The following CHRM3 variants were observed in gnomAD, a reference collection of about 807,000 sequenced individuals.
CHRM3 encodes the protein muscarinic acetylcholine receptor M3.
In CHRM3, 11 loss-of-function variants were observed where a neutral mutation model predicts 41.8. The observed-to-expected ratio is 0.26, with a 90% CI of 0.17 to 0.44. CHRM3 has a LOEUF of 0.44. Among genes scored for constraint, CHRM3 ranks in the 20% least tolerant of loss-of-function variants. CHRM3 has a pLI of 1.00. For synonymous variants in CHRM3, 297 were observed against 301.4 expected, an observed-to-expected ratio of 0.99 and a Z score of 0.15; for missense variants, 571 against 745.4, an observed-to-expected ratio of 0.77 and a Z score of 2.72.
intron 6 of CHRM3, among the ~76,000 whole-genome samples, chr1:239,894,851 C>T (rs1678863121): frequency 6.6e-6 from 1 of 152,132 alleles, no homozygotes; most frequent in African/African-American, 2.4e-5. Context: ...TGGTGTTGCA[C>T]AGAGGATCCC....
intron 4 of CHRM3, among the ~76,000 whole-genome samples, chr1:239,644,891 G>C (rs1037418244): frequency 6.6e-6 from 1 of 152,164 alleles, no homozygotes; most frequent in Non-Finnish European, 1.5e-5. Flanking sequence ...TTGGCCTGAC[G>C]TGAAGACAGA....
At position 239,758,747 on chromosome 1, in the gene CHRM3, C is replaced by CAGAA. The variant is rs1666447094; in HGVS notation, c.-146-68505_-146-68504insAGAA. ...TTTATAGTTCTAAGATATTTTTCCC[C>CAGAA]CTTAGAAAAACTCTTTGTTGACAGA... On this transcript the variant is annotated intron_variant, in intron 5 of 6. Transcript: ENST00000676153. Among the ~76,000 whole-genome samples the CAGAA allele has an allele frequency of 6.6e-5, 10 of 152,214 alleles. No individual in the cohort carries two copies. The South Asian group carries it at 2.1e-3, about 32-fold the overall frequency.
At chr1:239,409,578 G>A (rs1660904365) in intron 1 of CHRM3, among the ~76,000 whole-genome samples, 1 of 152,138 alleles carries the variant, frequency 6.6e-6, no homozygotes, top group Non-Finnish European at 1.5e-5. Flanking sequence ...CTTTTAAGCA[G>A]ATATTTAAAA....
At chr1:239,497,515 C>T (rs867533451) in intron 2 of CHRM3, among the ~76,000 whole-genome samples, 1 of 152,172 alleles carries the variant, frequency 6.6e-6, no homozygotes, top group Non-Finnish European at 1.5e-5. Context: ...AGAAGTAGAT[C>T]ATACTATCTG....
chr1:239,850,973 A>G (rs896541991), intron 6 of CHRM3, among the ~76,000 whole-genome samples: 1 of 152,168 alleles, frequency 6.6e-6, no homozygotes, highest in Non-Finnish European at 1.5e-5. Context: ...GATATCAGAC[A>G]TCCCTGACAC....
intron 6 of CHRM3, among the ~76,000 whole-genome samples, chr1:239,856,167 T>C (rs915510710): frequency 7.9e-4 from 121 of 152,254 alleles, no homozygotes; most frequent in African/African-American, 2.9e-3. Flanking sequence ...CACCAACTTA[T>C]TTGTACAACC....
At chr1:239,418,104 A>G (rs1323786947) in intron 1 of CHRM3, among the ~76,000 whole-genome samples, 1 of 152,206 alleles carries the variant, frequency 6.6e-6, no homozygotes, top group African/African-American at 2.4e-5. Context: ...CACTTGCCGC[A>G]GTAGCAGGGC....
At chr1:239,480,925 A>G (rs1251649894) in intron 1 of CHRM3, among the ~76,000 whole-genome samples, 1 of 152,196 alleles carries the variant, frequency 6.6e-6, no homozygotes, top group Non-Finnish European at 1.5e-5. Flanking sequence ...TTCTACAGCC[A>G]CTAACTTGCA....
At chr1:239,814,760 GCTTTT>G (rs2149004908) in intron 5 of CHRM3, among the ~76,000 whole-genome samples, 1 of 152,106 alleles carries the variant, frequency 6.6e-6, no homozygotes, top group East Asian at 1.9e-4. Context: ...TCTGCCGTTT[GCTTTT>G]CTTTTCTATT....
At chr1:239,554,720 T>G (rs1357658193) in intron 3 of CHRM3, among the ~76,000 whole-genome samples, 3 of 147,316 alleles carry the variant, frequency 2.0e-5, no homozygotes, top group African/African-American at 4.9e-5. Context: ...TTGGTTCATG[T>G]ATTTCTTTCT....
intron 1 of CHRM3, among the ~76,000 whole-genome samples, chr1:239,491,726 G>A (rs1346769865): frequency 6.6e-6 from 1 of 152,144 alleles, no homozygotes; most frequent in African/African-American, 2.4e-5. Context: ...GGATCATATG[G>A]TAGTTCTATT....
Position 239,840,570 on chromosome 1 carries a change from C to T in CHRM3, c.-20+13192C>T, listed in dbSNP as rs563139059. On this transcript the variant is annotated intron_variant, in intron 6 of 6. Transcript: ENST00000676153. ...GCCCTGGAGGAAAAAGCATAGGCAG[C>T]TGTAGTACACACCATTGATGGATGG... Among the ~76,000 whole-genome samples the T allele has an allele frequency of 4.6e-5, 7 of 152,280 alleles. No individual in the cohort carries two copies. The South Asian group carries it at 1.5e-3, about 32-fold the overall frequency.
chr1:239,822,719 T>C (rs992373225), intron 5 of CHRM3, among the ~76,000 whole-genome samples: 2 of 152,192 alleles, frequency 1.3e-5, no homozygotes, highest in Non-Finnish European at 2.9e-5. Context: ...AAGCAAAGAA[T>C]ATAATTAATA....
intron 5 of CHRM3, among the ~76,000 whole-genome samples, chr1:239,765,966 A>G (rs1667171761): frequency 6.6e-6 from 1 of 151,830 alleles, no homozygotes; most frequent in South Asian, 2.1e-4. Context: ...ACAGGTGCAC[A>G]CCACCACACC....
At chr1:239,412,547 G>A (rs1036802151) in intron 1 of CHRM3, among the ~76,000 whole-genome samples, 5 of 150,778 alleles carry the variant, frequency 3.3e-5, no homozygotes, top group East Asian at 4.1e-4. Flanking sequence ...GTTCAGGTAC[G>A]TGCCTCTGCT....
chr1:239,530,666 G>A (rs780426664), intron 2 of CHRM3, among the ~76,000 whole-genome samples: 13 of 152,144 alleles, frequency 8.5e-5, no homozygotes, highest in East Asian at 3.9e-4. Context: ...GAGAATATCC[G>A]TAAAGAGGCA....
At chr1:239,449,496 T>A (rs1161882598) in intron 1 of CHRM3, among the ~76,000 whole-genome samples, 1 of 151,894 alleles carries the variant, frequency 6.6e-6, no homozygotes, top group Non-Finnish European at 1.5e-5. Context: ...AATGGAAGGG[T>A]GGGTACTATT....
intron 1 of CHRM3, among the ~76,000 whole-genome samples, chr1:239,401,835 A>G: frequency 6.6e-6 from 1 of 151,968 alleles, no homozygotes; most frequent in East Asian, 1.9e-4. Context: ...GAGGCCTCTT[A>G]TTTTATATTT....
chr1:239,448,491 G>A (rs1664312170), intron 1 of CHRM3, among the ~76,000 whole-genome samples: 1 of 152,030 alleles, frequency 6.6e-6, no homozygotes, highest in Non-Finnish European at 1.5e-5. Flanking sequence ...AGTTATTGAG[G>A]AATGACATGT....
Sources: gnomAD v4.1 joint callset for allele counts (sites outside exome capture counted in the v4.1 genomes callset) on GRCh38, gnomAD v4.1.1 for gene constraint, MANE v1.5 for transcripts, NCBI Gene and HGNC (gene_info 2026-07-23, HGNC 2026-07-21) for gene names.